The following UROS variants were observed in gnomAD, a reference collection of about 807,000 sequenced individuals.
The protein encoded by UROS is uroporphyrinogen-III synthase.
In UROS, 18 loss-of-function variants were observed where a neutral mutation model predicts 33.0. That is an observed-to-expected ratio of 0.55 (90% CI 0.38 to 0.81). UROS has a LOEUF of 0.81. UROS is among the 30% of genes least tolerant of loss of function. The pLI, the probability that UROS is intolerant of heterozygous loss-of-function variation, is 0.00. For synonymous variants in UROS, 114 were observed against 121.1 expected (o/e 0.94, Z 0.38); for missense variants, 293 against 314.9 (o/e 0.93, Z 0.53).
At chr10:125,799,916 G>C (rs954459461) in intron 6 of UROS, among the ~76,000 whole-genome samples, 12 of 152,246 alleles carry the variant, frequency 7.9e-5, no homozygotes, top group African/African-American at 2.9e-4. Context: ...TTAATGCCTG[G>C]GGATTTATCT....
At chr10:125,798,494 G>A (rs183740700) in intron 6 of UROS, among the ~76,000 whole-genome samples, 3 of 152,334 alleles carry the variant, frequency 2.0e-5, no homozygotes, top group East Asian at 3.9e-4. Flanking sequence ...ACTAAGTCAG[G>A]AAGGTGAAGA....
chr10:125,791,771 C>T (rs1209183809), intron 9 of UROS: 1 of 152,046 alleles, frequency 6.6e-6, no homozygotes, highest in Non-Finnish European at 1.5e-5. Context: ...ATAGGTAAAT[C>T]CATGGAGATG....
At position 125,794,971 on chromosome 10, in the gene UROS, G is replaced by A. The variant is rs769005201; in HGVS notation, c.569C>T (p.Pro190Leu). Residue 190 changes from proline to leucine, a missense_variant, in exon 9 of 10, where the codon CCA becomes CTA. Transcript: ENST00000368797. ...LNSYYSQQGVPASITFFSPSG... is the reference protein window; with the variant it reads ...LNSYYSQQGVLASITFFSPSG... ...GGGACTAAAAAATGTGATGCTGGCT[G>A]GAACCCCCTGTGGGGAACAGAAAAC... 11 of 1,614,042 alleles carry A rather than the reference G, an allele frequency of 6.8e-6. No homozygotes were observed. The South Asian group carries it at 9.9e-5, about 14-fold the overall frequency.
chr10:125,805,114 C>T (rs998106037), intron 6 of UROS, among the ~76,000 whole-genome samples: 2 of 152,246 alleles, frequency 1.3e-5, no homozygotes, highest in African/African-American at 4.8e-5. Flanking sequence ...ATCCACTGAA[C>T]TAAGGAGTGC....
intron 6 of UROS, among the ~76,000 whole-genome samples, chr10:125,800,792 A>C (rs1161755021): frequency 2.6e-5 from 4 of 151,218 alleles, no homozygotes; most frequent in Non-Finnish European, 5.9e-5. Context: ...CTGGTCTCAA[A>C]CTCCTGACTT....
intron 5 of UROS, among the ~76,000 whole-genome samples, chr10:125,809,753 C>G (rs1009586918): frequency 1.3e-5 from 2 of 151,646 alleles, no homozygotes; most frequent in African/African-American, 2.4e-5. Context: ...TAAATAGAGA[C>G]AGGGTTTCAC....
chr10:125,810,612 T>C (rs1015617683), intron 5 of UROS, among the ~76,000 whole-genome samples: 3 of 152,172 alleles, frequency 2.0e-5, no homozygotes, highest in African/African-American at 4.8e-5. Flanking sequence ...TGGGGGTAAT[T>C]TGTTACGCAG....
intron 6 of UROS, among the ~76,000 whole-genome samples, chr10:125,806,598 T>C (rs1852356931): frequency 6.6e-6 from 1 of 152,214 alleles, no homozygotes; most frequent in African/African-American, 2.4e-5. Flanking sequence ...AAGCCCAAAA[T>C]ATCCTTAACA....
chr10:125,816,523 G>A lies in UROS; in HGVS notation c.-24C>T, dbSNP rs371327257. On this transcript the variant is annotated splice_region_variant and 5_prime_UTR_variant, in exon 2 of 10. Coordinates refer to ENST00000368797, the MANE Select transcript of UROS (RefSeq NM_000375.3). Reference sequence around the variant, plus strand: ...ATTATTGCCTGGCAGTCCTTATAGGGCACTGCGACAGAGCAAGGAAACAGA... The same window carrying A: ...ATTATTGCCTGGCAGTCCTTATAGGACACTGCGACAGAGCAAGGAAACAGA... The A allele has an allele frequency of 3.6e-5, 58 of 1,614,052 alleles. No individual in the cohort carries two copies. Among genetic ancestry groups the A allele is most frequent in the Non-Finnish European group, 4.6e-5 (54 of 1,180,042 alleles).
chr10:125,800,400 G>C (rs982097699), intron 6 of UROS, among the ~76,000 whole-genome samples: 2 of 152,122 alleles, frequency 1.3e-5, no homozygotes, highest in Admixed American at 1.3e-4. Context: ...GGGCATCCTC[G>C]TGTGCGTGCT....
chr10:125,802,450 C>T, intron 6 of UROS: 8 of 986,684 alleles, frequency 8.1e-6, no homozygotes, highest in Non-Finnish European at 9.6e-6. Context: ...CAGAAAGCAA[C>T]ACGTTGGCCA....
In UROS at chr10:125,821,426, G is replaced by C. The variant is rs534392070; in HGVS notation, c.-27+1603C>G. Among the ~76,000 whole-genome samples the C allele has an allele frequency of 3.7e-4, 56 of 152,342 alleles. No individual in the cohort carries two copies. The South Asian group carries it at 3.9e-3, about 11-fold the overall frequency. ...TTACTCCACTTACATGAGGTTTCTAGAATAGTCAAATTAATAAAGATGGAA... is the reference window on the plus strand; with the variant it reads ...TTACTCCACTTACATGAGGTTTCTACAATAGTCAAATTAATAAAGATGGAA... On this transcript the variant is annotated intron_variant, in intron 1 of 9. Transcript: ENST00000368797.
chr10:125,788,952 A>C lies in UROS; in HGVS notation c.714T>G (p.Pro238=), dbSNP rs1231195069. Residue 238 remains proline, a synonymous_variant, in exon 10 of 10, where the codon CCT becomes CCG. Transcript: ENST00000368797. Reference sequence around the variant, plus strand: ...TGGGGCTCTCTGCAGTGCAGCTTACAGGAAGGCCCTGGGCGGCCAGCGCGC... The same window carrying C: ...TGGGGCTCTCTGCAGTGCAGCTTACCGGAAGGCCCTGGGCGGCCAGCGCGC... The part of the protein sequence containing the change: ...TARALAAQGL[P]VSCTAESPTP... The C allele has an allele frequency of 1.2e-6, 2 of 1,611,504 alleles. No individual in the cohort carries two copies. Among genetic ancestry groups the C allele is most frequent in the East Asian group, 2.2e-5 (1 of 44,856 alleles).
intron 6 of UROS, 30 bp downstream of exon 6, chr10:125,807,383 C>G (rs746868112): frequency 6.3e-7 from 1 of 1,597,720 alleles, no homozygotes; most frequent in Non-Finnish European, 8.6e-7. Flanking sequence ...AAATAAATGG[C>G]TTCATTTGGA....
chr10:125,818,649 A>G (rs1391568018), intron 1 of UROS, among the ~76,000 whole-genome samples: 1 of 152,118 alleles, frequency 6.6e-6, no homozygotes, highest in Non-Finnish European at 1.5e-5. Context: ...GGGCTTTAGG[A>G]AGAGGCTTGG....
At chr10:125,805,226 C>T (rs188942540) in intron 6 of UROS, among the ~76,000 whole-genome samples, 1 of 152,318 alleles carries the variant, frequency 6.6e-6, no homozygotes, top group African/African-American at 2.4e-5. Context: ...CCGGAGGCTC[C>T]TTAAGCCTCT....
chr10:125,789,653 A>G (rs1850777847), intron 9 of UROS: 1 of 155,718 alleles, frequency 6.4e-6, no homozygotes, highest in Admixed American at 6.2e-5. Flanking sequence ...GCTGCTGCCT[A>G]TGTTGTCGTG....
Position 125,807,610 on chromosome 10 carries a change from T to C in UROS, c.320-123A>G. On this transcript the variant is annotated intron_variant, in intron 5 of 9. Transcript: ENST00000368797. ...TACAAATCACATAGAGGATGTCTTT[T>C]CTTGAAAGCTACTGAGGGAAGATCA... is the stretch of plus-strand genomic sequence containing the variant. 4 of 772,076 alleles carry C rather than the reference T, an allele frequency of 5.2e-6. No individual in the cohort carries two copies. In the South Asian group the frequency reaches 5.8e-5, roughly 11 times the overall value. 47.8% of individuals were successfully genotyped at this position (772,076 alleles called of 1,614,324 possible). A position where few individuals can be genotyped will look rare whatever the true frequency, so the allele number is the denominator to read the frequency against.
Position 125,795,974 on chromosome 10 carries a change from G to C in UROS, c.561+129C>G, listed in dbSNP as rs2281956. The C allele has an allele frequency of 0.43, 358,858 of 832,988 alleles. 79,252 individuals are homozygous for C. Among genetic ancestry groups the C allele is most frequent in the Non-Finnish European group, 0.47 (221,362 of 472,540 alleles). The allele number at this position is 832,988 out of a possible 1,614,324, so 51.6% of individuals were successfully genotyped here. On this transcript the variant is annotated intron_variant, in intron 8 of 9. Transcript: ENST00000368797. The stretch of plus-strand genomic sequence containing the variant: ...CCAGACCAACTATGTGACAGGAAAA[G>C]GCATGCAGGTGACAGCTGGGGACAG...
Sources: allele counts gnomAD v4.1 joint callset (sites outside exome capture counted in the v4.1 genomes callset), GRCh38; gene constraint gnomAD v4.1.1; transcripts MANE v1.5; gene names NCBI Gene and HGNC (gene_info 2026-07-23, HGNC 2026-07-21).